FUT9: variants seen among roughly 807,000 people sequenced by gnomAD.
FUT9 encodes the protein fucosyltransferase 9, also known as 4-galactosyl-N-acetylglucosaminide 3-alpha-L-fucosyltransferase 9.
Under a neutral mutation model 29.7 loss-of-function variants are expected in FUT9, and 15 were observed. The observed-to-expected ratio is 0.51, with a 90% CI of 0.34 to 0.78. The LOEUF (loss-of-function observed/expected upper bound fraction) is 0.78. Ranked by LOEUF, FUT9 falls within the 30% of genes least tolerant of loss-of-function variation. The pLI is 0.01. For missense variants in FUT9, 319 were observed against 425.4 expected (o/e 0.75, Z 2.20); for synonymous variants, 169 against 153.7 (o/e 1.10, Z -0.74).
At chr6:96,137,740 G>A (rs1330840278) in intron 2 of FUT9, among the ~76,000 whole-genome samples, 8 of 151,882 alleles carry the variant, frequency 5.3e-5, no homozygotes, top group African/African-American at 9.7e-5. Flanking sequence ...ATAAAATATT[G>A]GGTTTAGTGA....
At chr6:96,111,977 T>C (rs1771817447) in intron 1 of FUT9, among the ~76,000 whole-genome samples, 1 of 152,216 alleles carries the variant, frequency 6.6e-6, no homozygotes, top group Non-Finnish European at 1.5e-5. Context: ...CTAAGACAGC[T>C]ATACACAGTT....
chr6:96,095,054 C>A (rs181459046), intron 1 of FUT9, among the ~76,000 whole-genome samples: 98 of 152,170 alleles, frequency 6.4e-4, no homozygotes, highest in African/African-American at 2.1e-3. Context: ...GGAACACCTA[C>A]GTCCTCTTCG....
intron 2 of FUT9, among the ~76,000 whole-genome samples, chr6:96,132,185 T>A (rs1257255926): frequency 7.8e-6 from 1 of 128,460 alleles, no homozygotes; most frequent in East Asian, 2.3e-4. Context: ...ATATTATTTG[T>A]TTTTTTAATA....
intron 2 of FUT9, among the ~76,000 whole-genome samples, chr6:96,184,742 T>C (rs932991294): frequency 6.6e-6 from 1 of 152,110 alleles, no homozygotes; most frequent in Non-Finnish European, 1.5e-5. Context: ...TTATTTAATT[T>C]CTATTTATTT....
intron 2 of FUT9, among the ~76,000 whole-genome samples, chr6:96,183,075 G>A (rs916108039): frequency 8.1e-4 from 123 of 152,096 alleles, no homozygotes; most frequent in African/African-American, 2.6e-3. Context: ...CCATGAGCAC[G>A]GGATGTGTTT....
At chr6:96,130,223 A>T (rs1429104390) in intron 2 of FUT9, among the ~76,000 whole-genome samples, 1 of 152,130 alleles carries the variant, frequency 6.6e-6, no homozygotes, top group Non-Finnish European at 1.5e-5. Context: ...TTAAAAATAA[A>T]TTTAAGAAAG....
In FUT9 at chr6:96,199,936, G is replaced by A. The variant is rs931430349; in HGVS notation, c.-8-3212G>A. 1.1e-4 allele frequency among the ~76,000 whole-genome samples: 17 copies of A among 152,090 alleles called. 1 individual carries two copies. Among genetic ancestry groups the A allele is most frequent in the African/African-American group, 3.9e-4 (16 of 41,398 alleles). On this transcript the variant is annotated intron_variant, in intron 2 of 2. Coordinates refer to ENST00000302103, the MANE Select transcript of FUT9 (RefSeq NM_006581.4). ...AGCCCCTCACAAAGCTTACATTCTGGTATCACTAAAATGATTGCATATTCT... is the reference window on the plus strand; with the variant it reads ...AGCCCCTCACAAAGCTTACATTCTGATATCACTAAAATGATTGCATATTCT...
chr6:96,124,698 G>T lies in FUT9; in HGVS notation c.-9+10571G>T, dbSNP rs116613532. 2.9e-3 allele frequency among the ~76,000 whole-genome samples: 443 copies of T among 151,752 alleles called. 2 individuals carry two copies. Among genetic ancestry groups the T allele is most frequent in the African/African-American group, 0.01 (429 of 41,350 alleles). ...TCCTCCATAGTCAACAATTTTGTACGCCTCCTTTTCTTTTTTTAAATGACA... is the reference window on the plus strand; with the variant it reads ...TCCTCCATAGTCAACAATTTTGTACTCCTCCTTTTCTTTTTTTAAATGACA... On this transcript the variant is annotated intron_variant, in intron 2 of 2. Coordinates refer to ENST00000302103, the MANE Select transcript of FUT9 (RefSeq NM_006581.4).
chr6:96,193,091 A>G (rs1451951145), intron 2 of FUT9, among the ~76,000 whole-genome samples: 2 of 150,912 alleles, frequency 1.3e-5, no homozygotes, highest in African/African-American at 2.4e-5. Context: ...ACCTAAAACC[A>G]TAAAAACCCT....
intron 1 of FUT9, among the ~76,000 whole-genome samples, chr6:96,060,207 TG>T (rs1258829564): frequency 6.6e-6 from 1 of 152,168 alleles, no homozygotes; most frequent in Admixed American, 6.5e-5. Context: ...AACTCACTTA[TG>T]GGGAGCCATC....
intron 1 of FUT9, among the ~76,000 whole-genome samples, chr6:96,092,945 A>C (rs907931949): frequency 6.6e-6 from 1 of 151,886 alleles, no homozygotes; most frequent in African/African-American, 2.4e-5. Context: ...ATTTTAAAAA[A>C]ATCATAGAGA....
chr6:96,156,417 A>G (rs1055033251), intron 2 of FUT9, among the ~76,000 whole-genome samples: 2 of 152,114 alleles, frequency 1.3e-5, no homozygotes. Context: ...GAGTGAGTGG[A>G]GTAGAATGTA....
chr6:96,121,095 C>T (rs2127964942), intron 2 of FUT9, among the ~76,000 whole-genome samples: 1 of 152,112 alleles, frequency 6.6e-6, no homozygotes, highest in South Asian at 2.1e-4. Context: ...ACCCTCTGCA[C>T]CTGGAAGAAC....
intron 1 of FUT9, among the ~76,000 whole-genome samples, chr6:96,060,938 G>C (rs1770863118): frequency 6.6e-6 from 1 of 152,174 alleles, no homozygotes; most frequent in Non-Finnish European, 1.5e-5. Context: ...CATTGAAACA[G>C]TGAGTTTAAG....
At chr6:96,126,096 G>A (rs888909314) in intron 2 of FUT9, among the ~76,000 whole-genome samples, 9 of 152,024 alleles carry the variant, frequency 5.9e-5, no homozygotes, top group Admixed American at 3.9e-4. Context: ...TCATGTCGGC[G>A]CAGGTTAAAA....
intron 2 of FUT9, among the ~76,000 whole-genome samples, chr6:96,137,515 A>G (rs1338251456): frequency 6.6e-6 from 1 of 152,066 alleles, no homozygotes; most frequent in Non-Finnish European, 1.5e-5. Context: ...TACAGTATAG[A>G]AATGGAGAAA....
intron 2 of FUT9, among the ~76,000 whole-genome samples, chr6:96,174,123 C>A (rs973792145): frequency 2.6e-5 from 4 of 152,022 alleles, no homozygotes; most frequent in African/African-American, 7.2e-5. Flanking sequence ...AGTCACAGAC[C>A]ACTTCAAGCC....
intron 1 of FUT9, among the ~76,000 whole-genome samples, chr6:96,074,440 G>A (rs1365530086): frequency 6.6e-6 from 1 of 152,098 alleles, no homozygotes; most frequent in Non-Finnish European, 1.5e-5. Context: ...TTAATATATA[G>A]TTAGGAGTCA....
rs961486731 is a variant in FUT9 at position 96,206,554 on chromosome 6, C to T, written c.*2319C>T. The stretch of plus-strand genomic sequence containing the variant: ...CTCGGCTCACTGCAACCTCGGCCTC[C>T]CAGGTTCAAGTGATTCTCCTGTATC... On this transcript the variant is annotated 3_prime_UTR_variant, in exon 3 of 3. Transcript: ENST00000302103. The T allele has an allele frequency of 6.0e-6, 1 of 166,562 alleles. No homozygotes were observed. Among genetic ancestry groups the T allele is most frequent in the Non-Finnish European group, 1.5e-5 (1 of 68,218 alleles). The allele number at this position is 166,562 out of a possible 1,614,324, so 10.3% of individuals were successfully genotyped here.
Sources: gnomAD v4.1 joint callset for allele counts (sites outside exome capture counted in the v4.1 genomes callset) on GRCh38, gnomAD v4.1.1 for gene constraint, MANE v1.5 for transcripts, NCBI Gene and HGNC (gene_info 2026-07-23, HGNC 2026-07-21) for gene names.